CCSER1: variants seen among roughly 807,000 people sequenced by gnomAD.
CCSER1 encodes the protein coiled-coil serine rich protein 1, also known as serine-rich coiled-coil domain-containing protein 1.
A neutral mutation model predicts 82.0 loss-of-function variants in CCSER1; 41 were observed. The ratio of observed to expected loss-of-function variants is 0.50; its 90% CI spans 0.39 to 0.65. The LOEUF (loss-of-function observed/expected upper bound fraction) is 0.65. Among genes scored for constraint, CCSER1 ranks in the 30% least tolerant of loss-of-function variants. CCSER1 has a pLI of 0.00. For missense variants in CCSER1, 1,119 were observed against 1,064.2 expected, an observed-to-expected ratio of 1.05 and a Z score of -0.72; for synonymous variants, 414 against 383.9, an observed-to-expected ratio of 1.08 and a Z score of -0.92.
At chr4:91,358,390 CG>C (rs1260227025) in intron 10 of CCSER1, among the ~76,000 whole-genome samples, 2 of 67,666 alleles carry the variant, frequency 3.0e-5, no homozygotes, top group African/African-American at 1.4e-4. Context: ...GCCTGACCCA[CG>C]TTGTTTTTTT....
intron 5 of CCSER1, among the ~76,000 whole-genome samples, chr4:90,569,783 G>A (rs1779888829): frequency 6.6e-6 from 1 of 152,172 alleles, no homozygotes; most frequent in African/African-American, 2.4e-5. Context: ...GCTGGTCCAG[G>A]AGAGAGCAGG....
intron 9 of CCSER1, among the ~76,000 whole-genome samples, chr4:91,066,885 G>T (rs942270436): frequency 6.6e-6 from 1 of 150,882 alleles, no homozygotes; most frequent in Non-Finnish European, 1.5e-5. Flanking sequence ...GCCCTGTCCC[G>T]CTGGGCGTGG....
At chr4:90,593,750 C>A (rs1045938280) in intron 5 of CCSER1, among the ~76,000 whole-genome samples, 2 of 151,862 alleles carry the variant, frequency 1.3e-5, no homozygotes, top group African/African-American at 4.8e-5. Flanking sequence ...TGCTTGGATG[C>A]GTCTCCTCTG....
intron 1 of CCSER1, among the ~76,000 whole-genome samples, chr4:90,268,963 T>C (rs1387552675): frequency 6.6e-6 from 1 of 152,088 alleles, no homozygotes; most frequent in Non-Finnish European, 1.5e-5. Context: ...GGGACATTAT[T>C]TAATGATAAA....
chr4:90,825,025 T>A (rs948009924), intron 8 of CCSER1, among the ~76,000 whole-genome samples: 2 of 152,166 alleles, frequency 1.3e-5, no homozygotes, highest in Non-Finnish European at 1.5e-5. Context: ...TCCAGTTTCT[T>A]ACACACTCCA....
rs1034455399 is a variant in CCSER1, at chr4:91,553,480, A to ATGTT, written c.2218-45089_2218-45086dup. On this transcript the variant is annotated intron_variant, in intron 10 of 10. Coordinates refer to ENST00000509176, the MANE Select transcript of CCSER1 (RefSeq NM_001145065.2). ...AAGATAGATATTAATTGTGTTTTAA[A>ATGTT]TGTTTGGTAGATTTCAGCAATGAAT... Among the ~76,000 whole-genome samples, 25 of 151,414 alleles carry ATGTT rather than the reference A, an allele frequency of 1.7e-4. 1 individual carries two copies. Among genetic ancestry groups the ATGTT allele is most frequent in the African/African-American group, 6.1e-4 (25 of 41,172 alleles).
chr4:91,054,725 T>G (rs1743296867), intron 9 of CCSER1, among the ~76,000 whole-genome samples: 1 of 150,156 alleles, frequency 6.7e-6, no homozygotes. Flanking sequence ...GCGGTGGGGT[T>G]GGTGGGGGTG....
At chr4:90,619,363 A>C (rs1033815718) in intron 5 of CCSER1, among the ~76,000 whole-genome samples, 2 of 152,048 alleles carry the variant, frequency 1.3e-5, no homozygotes, top group African/African-American at 4.8e-5. Context: ...AAAATGTATA[A>C]AATAAAAGTG....
chr4:90,911,334 G>A (rs1360224296), intron 8 of CCSER1: 1 of 456,224 alleles, frequency 2.2e-6, no homozygotes, highest in Admixed American at 2.3e-5. Flanking sequence ...GATGTCTTCA[G>A]TGATATGCAT....
At chr4:90,179,844 A>G (rs1733389105) in intron 1 of CCSER1, among the ~76,000 whole-genome samples, 1 of 152,078 alleles carries the variant, frequency 6.6e-6, no homozygotes, top group Admixed American at 6.6e-5. Flanking sequence ...AATTACAAAC[A>G]TACTTAAGAA....
chr4:90,486,678 G>T (rs1251715478), intron 5 of CCSER1, among the ~76,000 whole-genome samples: 2 of 152,036 alleles, frequency 1.3e-5, no homozygotes, highest in African/African-American at 4.8e-5. Flanking sequence ...GTCAGCCAAG[G>T]GCTTCCAAGA....
chr4:91,275,513 G>A (rs1581888312), intron 10 of CCSER1, among the ~76,000 whole-genome samples: 1 of 151,966 alleles, frequency 6.6e-6, no homozygotes, highest in African/African-American at 2.4e-5. Flanking sequence ...ACTTTTAGTG[G>A]GTTTATTTAG....
chr4:91,035,114 A>G (rs1252705334), intron 9 of CCSER1, among the ~76,000 whole-genome samples: 2 of 152,190 alleles, frequency 1.3e-5, no homozygotes, highest in African/African-American at 4.8e-5. Flanking sequence ...GTCAAAGATA[A>G]AATAAGAAAT....
intron 5 of CCSER1, among the ~76,000 whole-genome samples, chr4:90,624,789 A>G (rs1054886299): frequency 3.3e-5 from 5 of 152,188 alleles, no homozygotes; most frequent in Admixed American, 3.3e-4. Flanking sequence ...AAATGTTACT[A>G]AATCTTAAAT....
intron 6 of CCSER1, among the ~76,000 whole-genome samples, chr4:90,713,210 A>G (rs545421871): frequency 3.3e-5 from 5 of 151,684 alleles, no homozygotes; most frequent in African/African-American, 4.8e-5. Flanking sequence ...TATTTTGCAG[A>G]CTTGTTTAGG....
chr4:90,708,569 A>G (rs1194051057), intron 6 of CCSER1, among the ~76,000 whole-genome samples: 2 of 152,072 alleles, frequency 1.3e-5, no homozygotes, highest in Non-Finnish European at 2.9e-5. Context: ...TAATTTTATG[A>G]TGTTTTCTTT....
intron 6 of CCSER1, among the ~76,000 whole-genome samples, chr4:90,644,540 A>G (rs1050853623): frequency 5.3e-5 from 8 of 152,034 alleles, no homozygotes; most frequent in African/African-American, 1.9e-4. Context: ...AACGTGTGCC[A>G]TGGTGGTTTA....
At chr4:91,063,661 T>C (rs772305559) in intron 9 of CCSER1, among the ~76,000 whole-genome samples, 2 of 152,156 alleles carry the variant, frequency 1.3e-5, no homozygotes. Flanking sequence ...CATGGAGATA[T>C]AGGAATTTAA....
chr4:90,288,557 G>A (rs1425746564), intron 1 of CCSER1, among the ~76,000 whole-genome samples: 1 of 151,874 alleles, frequency 6.6e-6, no homozygotes, highest in Middle Eastern at 3.2e-3. Flanking sequence ...AATCCTCTGT[G>A]CCTGGAGGAG....
Sources: allele counts gnomAD v4.1 joint callset (sites outside exome capture counted in the v4.1 genomes callset), GRCh38; gene constraint gnomAD v4.1.1; transcripts MANE v1.5; gene names NCBI Gene and HGNC (gene_info 2026-07-23, HGNC 2026-07-21).